Variants in EYA3 observed in about 807,000 individuals in gnomAD.
The protein encoded by EYA3 is protein phosphatase EYA3.
In EYA3, 39 loss-of-function variants were observed where a neutral mutation model predicts 80.0. The observed-to-expected ratio is 0.49, with a 90% CI of 0.38 to 0.64. EYA3 has a LOEUF of 0.64. Ranked by LOEUF, EYA3 falls within the 30% of genes least tolerant of loss-of-function variation. The pLI is 0.00. For synonymous variants in EYA3, 206 were observed against 232.8 expected, an observed-to-expected ratio of 0.88 and a Z score of 1.05; for missense variants, 523 against 676.1, an observed-to-expected ratio of 0.77 and a Z score of 2.51.
chr1:28,058,584 A>G (rs1644510603), intron 1 of EYA3, among the ~76,000 whole-genome samples: 1 of 152,220 alleles, frequency 6.6e-6, no homozygotes, highest in African/African-American at 2.4e-5. Flanking sequence ...CTATCTGTCT[A>G]TATGTCATCA....
chr1:27,998,074 G>A lies in EYA3; in HGVS notation c.1084-696C>T, dbSNP rs72656575. Among the ~76,000 whole-genome samples, 1,404 of 152,126 alleles carry A rather than the reference G, an allele frequency of 9.2e-3. 10 individuals carry two copies. The highest frequency in any genetic ancestry group is 0.017 in the African/African-American group (702 of 41,502). On this transcript the variant is annotated intron_variant, in intron 12 of 17. Transcript: ENST00000373871. ...CATGCTACTACTGACATAAAATGCC[G>A]CCCACTACCTAACTGATGGATGTAC...
intron 7 of EYA3, among the ~76,000 whole-genome samples, chr1:28,017,943 C>T (rs1222498885): frequency 6.6e-6 from 1 of 152,068 alleles, no homozygotes; most frequent in Admixed American, 6.6e-5. Context: ...TGCCTGTATC[C>T]CAGCACTTTC....
rs1232271199 is a variant in EYA3 at position 27,972,092 on chromosome 1, G to GT, written c.*2373dup. 1.3e-5 allele frequency: 2 copies of GT among 152,242 alleles called. No individual in the cohort carries two copies. Among genetic ancestry groups the GT allele is most frequent in the African/African-American group, 4.8e-5 (2 of 41,460 alleles). The allele number at this position is 152,242 out of a possible 1,614,324, so 9.4% of individuals were successfully genotyped here. A position where few individuals can be genotyped will look rare whatever the true frequency, so the allele number is the denominator to read the frequency against. On this transcript the variant is annotated 3_prime_UTR_variant, in exon 18 of 18. Transcript: ENST00000373871. Reference sequence around the variant, plus strand: ...AGCTCCCAAAAGGGTGGAGAGGGAAGTATCTGTGTGTGTGTGCTTGCGTGC... The same window carrying GT: ...AGCTCCCAAAAGGGTGGAGAGGGAAGTTATCTGTGTGTGTGTGCTTGCGTGC...
chr1:28,086,639 C>T (rs1645666278), intron 1 of EYA3, among the ~76,000 whole-genome samples: 1 of 152,094 alleles, frequency 6.6e-6, no homozygotes, highest in South Asian at 2.1e-4. Context: ...TTATCTTAAT[C>T]TGCATTAATT....
intron 13 of EYA3, among the ~76,000 whole-genome samples, chr1:27,995,273 A>C (rs916196395): frequency 4.6e-5 from 7 of 151,544 alleles, no homozygotes; most frequent in Non-Finnish European, 7.4e-5. Flanking sequence ...TTAGCTGGGT[A>C]TGGTGGCATG....
chr1:28,023,923 T>C (rs1275040289), intron 7 of EYA3, among the ~76,000 whole-genome samples: 1 of 152,148 alleles, frequency 6.6e-6, no homozygotes, highest in Non-Finnish European at 1.5e-5. Context: ...AACTTTTCTG[T>C]AAATCTAAAA....
intron 1 of EYA3, among the ~76,000 whole-genome samples, chr1:28,072,045 C>T (rs1645035333): frequency 6.6e-6 from 1 of 151,940 alleles, no homozygotes; most frequent in African/African-American, 2.4e-5. Context: ...ACCAATAGTC[C>T]CAAACTTTAA....
In EYA3 at chr1:27,974,334, A is replaced by G; in HGVS notation, c.*132T>C. ...GGGAGGGAGAGAGGGAGAGAGAGAAAGAGAGAAAGAGAGAGAGATAGAGAC... is the reference window on the plus strand; with the variant it reads ...GGGAGGGAGAGAGGGAGAGAGAGAAGGAGAGAAAGAGAGAGAGATAGAGAC... On this transcript the variant is annotated 3_prime_UTR_variant, in exon 18 of 18. Transcript: ENST00000373871. 1 of 552,544 alleles carries G rather than the reference A, an allele frequency of 1.8e-6. No homozygotes were observed. The highest frequency in any genetic ancestry group is 3.2e-6 in the Non-Finnish European group (1 of 312,428). 34.2% of individuals were successfully genotyped at this position (552,544 alleles called of 1,614,324 possible).
intron 10 of EYA3, 48 bp from the exon 11 acceptor site, chr1:28,004,467 G>T: frequency 1.5e-6 from 2 of 1,361,106 alleles, no homozygotes; most frequent in Non-Finnish European, 2.1e-6. Flanking sequence ...AATTACAATG[G>T]AATGAAACCA....
At chr1:28,054,397 A>C (rs1186004753) in intron 2 of EYA3, among the ~76,000 whole-genome samples, 3 of 152,230 alleles carry the variant, frequency 2.0e-5, no homozygotes, top group Non-Finnish European at 2.9e-5. Context: ...AGTAATCTAC[A>C]AAATGTAAAC....
At chr1:27,991,802 A>T (rs1304890175) in intron 14 of EYA3, among the ~76,000 whole-genome samples, 1 of 151,830 alleles carries the variant, frequency 6.6e-6, no homozygotes, top group Non-Finnish European at 1.5e-5. Context: ...TCTCCAAAGT[A>T]GGCTCAGAGG....
At chr1:27,976,297 T>C (rs1638925550) in intron 17 of EYA3, among the ~76,000 whole-genome samples, 1 of 151,644 alleles carries the variant, frequency 6.6e-6, no homozygotes, top group African/African-American at 2.4e-5. Context: ...CTGTCTCTAC[T>C]AAAAGTACAA....
intron 3 of EYA3, among the ~76,000 whole-genome samples, chr1:28,043,147 G>A (rs916224925): frequency 2.6e-5 from 4 of 151,914 alleles, no homozygotes; most frequent in Non-Finnish European, 5.9e-5. Flanking sequence ...CCAGTCTACT[G>A]TTCTTTCTTA....
At chr1:28,005,275 C>T (rs1347717105) in intron 10 of EYA3, among the ~76,000 whole-genome samples, 1 of 152,104 alleles carries the variant, frequency 6.6e-6, no homozygotes, top group Admixed American at 6.6e-5. Context: ...AGAATTAACA[C>T]GAATCCTCCT....
intron 1 of EYA3, among the ~76,000 whole-genome samples, chr1:28,076,678 AAAAAG>A (rs1315276133): frequency 7.1e-5 from 4 of 55,948 alleles, no homozygotes; most frequent in Non-Finnish European, 9.9e-5. Flanking sequence ...AAAAAAAAAA[AAAAAG>A]AAAGAAAGAA....
At chr1:28,039,479 G>C (rs1643650936) in intron 4 of EYA3, among the ~76,000 whole-genome samples, 1 of 152,144 alleles carries the variant, frequency 6.6e-6, no homozygotes, top group Non-Finnish European at 1.5e-5. Flanking sequence ...GCAAATCACA[G>C]ACAGACGTGA....
chr1:27,983,979 A>C (rs553400452), intron 16 of EYA3, among the ~76,000 whole-genome samples: 3 of 152,018 alleles, frequency 2.0e-5, no homozygotes, highest in Non-Finnish European at 4.4e-5. Flanking sequence ...CTGTATTCTA[A>C]CTGCCAATTA....
chr1:28,011,208 C>T (rs12563591), intron 9 of EYA3, 122 bp from the exon 10 acceptor site: 1 of 1,055,872 alleles, frequency 9.5e-7, no homozygotes, highest in Non-Finnish European at 1.3e-6. Flanking sequence ...GGTTGGAAAG[C>T]TAAACCTTAT....
chr1:27,983,000 CTA>C (rs1263742878), intron 16 of EYA3, among the ~76,000 whole-genome samples: 1 of 152,098 alleles, frequency 6.6e-6, no homozygotes, highest in Non-Finnish European at 1.5e-5. Context: ...CAATTATTTT[CTA>C]TGATAAGCAA....
Sources: gnomAD v4.1 joint callset for allele counts (sites outside exome capture counted in the v4.1 genomes callset) on GRCh38, gnomAD v4.1.1 for gene constraint, MANE v1.5 for transcripts, NCBI Gene and HGNC (gene_info 2026-07-23, HGNC 2026-07-21) for gene names.